Variants in GSN observed in about 807,000 individuals in gnomAD.
GSN encodes actin-depolymerizing factor.
A neutral mutation model predicts 85.7 loss-of-function variants in GSN; 56 were observed. That is an observed-to-expected ratio of 0.65 (90% CI 0.53 to 0.82). The LOEUF is 0.82. Among genes scored for constraint, GSN ranks in the 40% least tolerant of loss-of-function variants. The probability of loss-of-function intolerance (pLI) is 0.00; values close to 1 mark genes in which losing one functional copy is unlikely to be tolerated. For missense variants in GSN, 857 were observed against 979.8 expected (o/e 0.87, Z 1.67); for synonymous variants, 373 against 399.1 (o/e 0.93, Z 0.78).
intron 5 of GSN, among the ~76,000 whole-genome samples, chr9:121,245,531 A>C (rs1036675468): frequency 6.6e-6 from 1 of 152,074 alleles, no homozygotes; most frequent in Non-Finnish European, 1.5e-5. Flanking sequence ...TAATTTTTTA[A>C]AAACATATTA....
chr9:121,207,122 T>C (rs2053894742), upstream of GSN, among the ~76,000 whole-genome samples: 1 of 152,254 alleles, frequency 6.6e-6, no homozygotes, highest in Non-Finnish European at 1.5e-5. Context: ...TAATGCGAGT[T>C]AAAAGCATGT....
In GSN at chr9:121,312,457, A is replaced by C. The variant is rs1261678254; in HGVS notation, c.632A>C (p.Glu211Ala). 2.5e-6 allele frequency: 4 copies of C among 1,613,496 alleles called. No homozygotes were observed. In the African/African-American group the frequency reaches 5.3e-5, roughly 22 times the overall value. Reference protein sequence around the residue: ...RSGRARVHVSEEGTEPEAMLQ... With the variant: ...RSGRARVHVSAEGTEPEAMLQ... ...GGCCGGGCCCGAGTGCACGTGTCTG[A>C]GGAGGGCACTGAGCCCGAGGCGATG... Residue 211 changes from glutamate (E) to alanine (A), a missense_variant, in exon 6 of 18, where the codon GAG becomes GCG. Physicochemically the swap from Glu to Ala is moderately radical, Grantham distance 107 (BLOSUM62 -1). Transcript: ENST00000432226.
At chr9:121,301,637 AAAAAAAAG>A (rs1380457069) in intron 2 of GSN, among the ~76,000 whole-genome samples, 5 of 150,676 alleles carry the variant, frequency 3.3e-5, no homozygotes, top group South Asian at 2.1e-4. Flanking sequence ...AAAAAAAAAA[AAAAAAAAG>A]AAAAAAAGAA....
chr9:121,286,639 T>A, intron 2 of GSN: 1 of 1,531,858 alleles, frequency 6.5e-7, no homozygotes, highest in South Asian at 1.2e-5. Context: ...GTGTTCCTGT[T>A]TGTGTGCCCT....
chr9:121,300,226 C>T, intron 2 of GSN: 11 of 808,058 alleles, frequency 1.4e-5, no homozygotes, highest in South Asian at 1.1e-4. Context: ...CTCACCTTGG[C>T]CGGATTTCTT....
At chr9:121,324,970 C>G (rs1258224143) in intron 12 of GSN, among the ~76,000 whole-genome samples, 1 of 152,160 alleles carries the variant, frequency 6.6e-6, no homozygotes. Context: ...TTGACAAGAC[C>G]TTGGGAGAGA....
At chr9:121,215,438 A>G (rs1213543975) in intron 4 of GSN, among the ~76,000 whole-genome samples, 1 of 152,106 alleles carries the variant, frequency 6.6e-6, no homozygotes, top group Non-Finnish European at 1.5e-5. Flanking sequence ...TCACACTTAT[A>G]ATCCCAGCAC....
In GSN at chr9:121,318,518, A is replaced by G. The variant is rs750422717; in HGVS notation, c.975+24A>G. 2 of 1,566,624 alleles carry G rather than the reference A, an allele frequency of 1.3e-6. No individual in the cohort carries two copies. The highest frequency in any genetic ancestry group is 1.8e-6 in the Non-Finnish European group (2 of 1,136,808). ...AGGTGAGTCTTGGAGGCCAGGTAGG[A>G]TGGGAAGGGGTGGGTCCTGTTTGGA... On this transcript the variant is annotated intron_variant, in intron 9 of 17. Coordinates refer to ENST00000432226, the MANE Select transcript of GSN (RefSeq NM_198252.3). This position sits in a 1 kb window ranked among gnomAD's most constrained non-coding sequence, Gnocchi z 4.3.
intron 5 of GSN, chr9:121,238,643 C>T (rs1445031503): frequency 3.5e-6 from 1 of 289,720 alleles, no homozygotes; most frequent in Non-Finnish European, 6.8e-6. Context: ...TATTAATTCT[C>T]TCCCTCTGGA....
chr9:121,212,645 C>CTTTT (rs765703897), intron 4 of GSN, among the ~76,000 whole-genome samples: 1 of 141,988 alleles, frequency 7.0e-6, no homozygotes, highest in African/African-American at 2.6e-5. Context: ...ACTCCTTGGC[C>CTTTT]TTTTTTTTTT....
intron 6 of GSN, among the ~76,000 whole-genome samples, chr9:121,262,605 C>T (rs2055111022): frequency 6.6e-6 from 1 of 152,222 alleles, no homozygotes; most frequent in South Asian, 2.1e-4. Context: ...GGGAAATCCT[C>T]TGCTGTGTAA....
chr9:121,256,452 C>T (rs1446837713), intron 6 of GSN, among the ~76,000 whole-genome samples: 1 of 152,056 alleles, frequency 6.6e-6, no homozygotes, highest in Non-Finnish European at 1.5e-5. Context: ...CTGCATGTTC[C>T]CACTCATCTG....
rs1057514782 is a variant in GSN, at chr9:121,299,058, A to G, written c.-9-2905A>G. On this transcript the variant is annotated intron_variant, in intron 2 of 17. Coordinates refer to ENST00000432226, the MANE Select transcript of GSN (RefSeq NM_198252.3). This position sits in a 1 kb window ranked among gnomAD's most constrained non-coding sequence, Gnocchi z 4.2. ...GGTAAACCCTGAACCATCAGCTAAA[A>G]GAGGTAGATAGCAGTGGTTGCCCCT... is the stretch of plus-strand genomic sequence containing the variant. 6.6e-6 allele frequency among the ~76,000 whole-genome samples: 1 copy of G among 152,262 alleles called. No homozygotes were observed. The highest frequency in any genetic ancestry group is 2.4e-5 in the African/African-American group (1 of 41,464).
chr9:121,286,907 A>G (rs1340431302), intron 2 of GSN: 10 of 705,084 alleles, frequency 1.4e-5, no homozygotes, highest in Non-Finnish European at 2.0e-5. Context: ...AATGCCAGCC[A>G]TGGGTTTTGG....
chr9:121,299,482 C>T lies in GSN; in HGVS notation c.-9-2481C>T, dbSNP rs2059545980. ...TGCTGATGCCTCGGTGAAAAGCTTT[C>T]AAAAATTGTTAGTTCATGTTATTTT... is the stretch of plus-strand genomic sequence containing the variant. On this transcript the variant is annotated intron_variant, in intron 2 of 17. Coordinates refer to ENST00000432226, the MANE Select transcript of GSN (RefSeq NM_198252.3). This position sits in a 1 kb window ranked among gnomAD's most constrained non-coding sequence, Gnocchi z 4.2. 1.0e-6 allele frequency: 1 copy of T among 984,836 alleles called. No individual in the cohort carries two copies. The highest frequency in any genetic ancestry group is 1.7e-5 in the African/African-American group (1 of 57,258). 61.0% of individuals were successfully genotyped at this position (984,836 alleles called of 1,614,324 possible). A position where few individuals can be genotyped will look rare whatever the true frequency, so the allele number is the denominator to read the frequency against.
chr9:121,222,921 C>G (rs2054197267), intron 4 of GSN: 1 of 152,080 alleles, frequency 6.6e-6, no homozygotes, highest in African/African-American at 2.4e-5. Flanking sequence ...CATTGGCATG[C>G]TGGCAGGGTT....
At chr9:121,317,382 G>C in intron 8 of GSN, 164 bp downstream of exon 8, 1 of 768,172 alleles carries the variant, frequency 1.3e-6, no homozygotes, top group Non-Finnish European at 2.2e-6. Context: ...CATACTGTGT[G>C]ATCTTGGGCA....
chr9:121,247,901 C>T (rs926313797), intron 5 of GSN, among the ~76,000 whole-genome samples: 8 of 150,642 alleles, frequency 5.3e-5, no homozygotes, highest in Admixed American at 1.3e-4. Flanking sequence ...CACCACACCC[C>T]GCCACTGCAA....
intron 5 of GSN, among the ~76,000 whole-genome samples, chr9:121,247,364 A>G (rs575488941): frequency 7.9e-5 from 12 of 152,328 alleles, no homozygotes; most frequent in East Asian, 5.8e-4. Flanking sequence ...CATTGTTCCA[A>G]TTCTTACACC....
Sources: gnomAD v4.1 joint callset for allele counts (sites outside exome capture counted in the v4.1 genomes callset) on GRCh38, gnomAD v4.1.1 for gene constraint, Gnocchi (gnomAD v3.1) non-coding constraint, MANE v1.5 for transcripts, NCBI Gene and HGNC (gene_info 2026-07-23, HGNC 2026-07-21) for gene names.